The following PRSS3 variants were observed in gnomAD, a reference collection of about 807,000 sequenced individuals.
PRSS3 encodes the protein serine protease 3.
PRSS3 carries 14 observed loss-of-function variants against 20.8 expected under a neutral mutation model. The observed-to-expected ratio is 0.67, with a 90% CI of 0.44 to 1.05. PRSS3 has a LOEUF of 1.05. PRSS3 is among the 50% of genes least tolerant of loss of function. The probability of loss-of-function intolerance (pLI) is 0.00; values close to 1 mark genes in which losing one functional copy is unlikely to be tolerated. For missense variants in PRSS3, 237 were observed against 306.4 expected (o/e 0.77, Z 1.69); for synonymous variants, 91 against 117.6 (o/e 0.77, Z 1.46).
intron 1 of PRSS3, chr9:33,786,224 C>T (rs1587391456): frequency 1.9e-6 from 1 of 529,050 alleles, no homozygotes; most frequent in Non-Finnish European, 3.4e-6. Flanking sequence ...CTTGAAGATG[C>T]TGTCTCCTGC....
In PRSS3 at chr9:33,750,731, A is replaced by C. The variant is rs1241773701; in HGVS notation, c.-53+4A>C. 7.0e-7 allele frequency: 1 copy of C among 1,435,152 alleles called. No individual in the cohort carries two copies. The highest frequency in any genetic ancestry group is 1.5e-5 in the African/African-American group (1 of 67,116). 88.9% of individuals were successfully genotyped at this position (1,435,152 alleles called of 1,614,324 possible). A position where few individuals can be genotyped will look rare whatever the true frequency, so the allele number is the denominator to read the frequency against. ...GGCTGCGAGGCGCTGGGCACAGGTCAGACGTCAGTACCCGCAGGGGGCTTG... is the reference window on the plus strand; with the variant it reads ...GGCTGCGAGGCGCTGGGCACAGGTCCGACGTCAGTACCCGCAGGGGGCTTG... On this transcript the variant is annotated splice_donor_region_variant and intron_variant, in intron 1 of 5. Transcript: ENST00000342836. This position sits in a 1 kb window ranked among gnomAD's most constrained non-coding sequence, Gnocchi z 4.8.
intron 1 of PRSS3, among the ~76,000 whole-genome samples, chr9:33,751,562 T>G (rs1822699758): frequency 6.6e-6 from 1 of 152,198 alleles, no homozygotes; most frequent in African/African-American, 2.4e-5. Flanking sequence ...CTCCTAAAAG[T>G]TGCAGAAATG....
chr9:33,764,877 CT>C (rs111478133), intron 1 of PRSS3, among the ~76,000 whole-genome samples: 2,841 of 152,276 alleles, frequency 0.019, 90 homozygotes, highest in African/African-American at 0.064. Flanking sequence ...GTAGGCATTT[CT>C]CCATGTGCCC....
intron 1 of PRSS3, among the ~76,000 whole-genome samples, chr9:33,781,834 T>C (rs1372490302): frequency 6.6e-6 from 1 of 152,214 alleles, no homozygotes; most frequent in East Asian, 1.9e-4. Context: ...TAGAAGCCTA[T>C]GTATGTTTCA....
At position 33,798,642 on chromosome 9, in the gene PRSS3, T is replaced by C; in HGVS notation, c.591+20T>C. 2 of 1,613,506 alleles carry C rather than the reference T, an allele frequency of 1.2e-6. No individual in the cohort carries two copies. The highest frequency in any genetic ancestry group is 1.7e-6 in the Non-Finnish European group (2 of 1,179,848). ...TGCCAGGTGATTTGACCCTTTCCCA[T>C]GCTGAGGCTCCCACCGATACCCAGG... On this transcript the variant is annotated intron_variant, in intron 4 of 4. Coordinates refer to ENST00000379405, the MANE Select transcript of PRSS3 (RefSeq NM_002771.4).
chr9:33,768,182 T>A (rs1261021456), intron 1 of PRSS3, among the ~76,000 whole-genome samples: 1 of 152,166 alleles, frequency 6.6e-6, no homozygotes, highest in Non-Finnish European at 1.5e-5. Flanking sequence ...AGACTGTTGA[T>A]AGAAATGTGG....
At position 33,782,677 on chromosome 9, in the gene PRSS3, A is replaced by G. The variant is rs1195508720; in HGVS notation, c.-52-12069A>G. On this transcript the variant is annotated intron_variant, in intron 1 of 5. Transcript: ENST00000342836. ...ATTAAAACCACAATGAGATACCACT[A>G]ACCATCCACATACCCACTCAAATTA... Among the ~76,000 whole-genome samples, 4 of 152,216 alleles carry G rather than the reference A, an allele frequency of 2.6e-5. No homozygotes were observed. The South Asian group carries it at 6.2e-4, about 24-fold the overall frequency.
intron 1 of PRSS3, among the ~76,000 whole-genome samples, chr9:33,752,426 C>T (rs1461129541): frequency 6.6e-6 from 1 of 152,172 alleles, no homozygotes; most frequent in Non-Finnish European, 1.5e-5. Flanking sequence ...AGAGTCACTC[C>T]CCTAGCCAAA....
At chr9:33,771,227 C>A (rs1823675393) in intron 1 of PRSS3, among the ~76,000 whole-genome samples, 1 of 152,106 alleles carries the variant, frequency 6.6e-6, no homozygotes, top group South Asian at 2.1e-4. Context: ...ATGTTCTTCT[C>A]CCTTTAAGAC....
At chr9:33,764,643 A>G (rs898733738) in intron 1 of PRSS3, among the ~76,000 whole-genome samples, 7 of 152,226 alleles carry the variant, frequency 4.6e-5, no homozygotes, top group African/African-American at 1.7e-4. Context: ...GGTTTCTTGG[A>G]TATAACGTCA....
intron 1 of PRSS3, among the ~76,000 whole-genome samples, chr9:33,756,036 T>G (rs1822929068): frequency 6.6e-6 from 1 of 152,332 alleles, no homozygotes; most frequent in South Asian, 2.1e-4. Flanking sequence ...TTTTGTAATT[T>G]TACGCCTTTT....
chr9:33,785,160 ATTTTTTTTTTTTTTTT>A (rs74180504), intron 1 of PRSS3, among the ~76,000 whole-genome samples: 12 of 72,510 alleles, frequency 1.7e-4, no homozygotes, highest in Admixed American at 5.3e-4. Flanking sequence ...ATTGTGGTCA[ATTTTTTTTTTTTTTTT>A]TTTTTTTTTT....
chr9:33,750,745 G>A lies in PRSS3; in HGVS notation c.-53+18G>A. 1 of 1,422,296 alleles carries A rather than the reference G, an allele frequency of 7.0e-7. No individual in the cohort carries two copies. The allele number at this position is 1,422,296 out of a possible 1,614,324, so 88.1% of individuals were successfully genotyped here. On this transcript the variant is annotated intron_variant, in intron 1 of 5. Coordinates refer to the PRSS3 transcript ENST00000342836. The surrounding 1 kb of genome is among the most constrained non-coding windows in gnomAD (Gnocchi z 4.8). ...GGGCACAGGTCAGACGTCAGTACCCGCAGGGGGCTTGAAACTGGAGGAGGG... is the reference window on the plus strand; with the variant it reads ...GGGCACAGGTCAGACGTCAGTACCCACAGGGGGCTTGAAACTGGAGGAGGG...
At position 33,799,225 on chromosome 9, in the gene PRSS3, G is replaced by C. The variant is rs1269857347; in HGVS notation, c.*45G>C. The stretch of plus-strand genomic sequence containing the variant: ...GTCTCTATACCAATAAAGTGGCCCT[G>C]CTCTCACTCTGTGTCTGTGCCGGCT... On this transcript the variant is annotated 3_prime_UTR_variant, in exon 5 of 5. Transcript: ENST00000379405. 1.2e-6 allele frequency: 2 copies of C among 1,606,190 alleles called. No homozygotes were observed. The highest frequency in any genetic ancestry group is 1.7e-6 in the Non-Finnish European group (2 of 1,175,686).
chr9:33,753,678 T>C (rs1295693678), intron 1 of PRSS3, among the ~76,000 whole-genome samples: 7 of 152,222 alleles, frequency 4.6e-5, no homozygotes, highest in Admixed American at 4.6e-4. Context: ...GAGCTTTACT[T>C]GTCTTATTCC....
At chr9:33,766,552 G>A (rs1409888937) in intron 1 of PRSS3, among the ~76,000 whole-genome samples, 9 of 152,080 alleles carry the variant, frequency 5.9e-5, no homozygotes, top group Non-Finnish European at 1.0e-4. Flanking sequence ...CAGCCTGGGC[G>A]ACAGAGCAAG....
At chr9:33,776,208 A>G (rs1321627628) in intron 1 of PRSS3, among the ~76,000 whole-genome samples, 2 of 152,258 alleles carry the variant, frequency 1.3e-5, no homozygotes, top group Admixed American at 6.5e-5. Context: ...ACCAGTGAAC[A>G]TGAAAATAGA....
At chr9:33,787,048 T>A (rs181776570) in intron 1 of PRSS3, among the ~76,000 whole-genome samples, 20 of 152,318 alleles carry the variant, frequency 1.3e-4, no homozygotes, top group African/African-American at 4.8e-4. Flanking sequence ...CAGTGTTCTA[T>A]CCACAGTCAG....
chr9:33,796,256 A>G (rs367543559), intron 1 of PRSS3, among the ~76,000 whole-genome samples: 124 of 132,972 alleles, frequency 9.3e-4, no homozygotes, highest in African/African-American at 1.9e-3. Context: ...TTCCTAGCTT[A>G]GCCAAAGTAT....
Sources: allele counts gnomAD v4.1 joint callset (sites outside exome capture counted in the v4.1 genomes callset), GRCh38; gene constraint gnomAD v4.1.1; non-coding constraint Gnocchi (gnomAD v3.1); transcripts MANE v1.5; gene names NCBI Gene and HGNC (gene_info 2026-07-23, HGNC 2026-07-21).